Variants in PTPRT observed in about 807,000 individuals in gnomAD.
PTPRT encodes the protein protein tyrosine phosphatase receptor type T.
A neutral mutation model predicts 176.8 loss-of-function variants in PTPRT; 56 were observed. The observed-to-expected ratio is 0.32, with a 90% CI of 0.26 to 0.40. PTPRT has a LOEUF of 0.40. Among genes scored for constraint, PTPRT ranks in the 10% least tolerant of loss-of-function variants. The pLI, the probability that PTPRT is intolerant of heterozygous loss-of-function variation, is 1.00. For missense variants in PTPRT, 1,540 were observed against 1,908.2 expected (o/e 0.81, Z 3.60); for synonymous variants, 783 against 739.0 (o/e 1.06, Z -0.96).
intron 1 of PTPRT, among the ~76,000 whole-genome samples, chr20:43,116,766 G>GT (rs1848057270): frequency 6.6e-6 from 1 of 152,000 alleles, no homozygotes; most frequent in Non-Finnish European, 1.5e-5. Flanking sequence ...ATATATTTTT[G>GT]TTCATGTCTA....
At chr20:43,085,173 G>C (rs1031472332) in intron 1 of PTPRT, among the ~76,000 whole-genome samples, 2 of 152,138 alleles carry the variant, frequency 1.3e-5, no homozygotes, top group Non-Finnish European at 2.9e-5. Context: ...CTTCCTCAAA[G>C]CAGCTAGGAG....
intron 6 of PTPRT, among the ~76,000 whole-genome samples, chr20:42,736,501 G>A (rs183654839): frequency 3.5e-4 from 54 of 152,354 alleles, no homozygotes; most frequent in Non-Finnish European, 1.3e-4. Context: ...GACACAGGCC[G>A]AGCAAGCACA....
chr20:42,504,861 T>C (rs950399965), intron 7 of PTPRT, among the ~76,000 whole-genome samples: 11 of 152,216 alleles, frequency 7.2e-5, no homozygotes, highest in Non-Finnish European at 1.2e-4. Flanking sequence ...TGTTTTATTA[T>C]AAATCTAGCC....
chr20:42,099,654 A>C (rs940456550), intron 26 of PTPRT, among the ~76,000 whole-genome samples: 2 of 150,804 alleles, frequency 1.3e-5, no homozygotes, highest in Non-Finnish European at 2.9e-5. Flanking sequence ...TCTCCACTTC[A>C]TCAGTGGCTC....
At chr20:43,070,012 G>A (rs991193627) in intron 1 of PTPRT, among the ~76,000 whole-genome samples, 8 of 152,124 alleles carry the variant, frequency 5.3e-5, no homozygotes, top group South Asian at 2.1e-4. Flanking sequence ...TTTAGAAAAC[G>A]CTTTTGCCCA....
At chr20:42,488,434 G>T (rs1057189879) in intron 7 of PTPRT, among the ~76,000 whole-genome samples, 1 of 152,110 alleles carries the variant, frequency 6.6e-6, no homozygotes, top group Non-Finnish European at 1.5e-5. Context: ...TTACCAATCT[G>T]ATGGGCACTA....
chr20:42,811,400 C>T (rs1393820863), intron 2 of PTPRT, among the ~76,000 whole-genome samples: 1 of 151,696 alleles, frequency 6.6e-6, no homozygotes, highest in Non-Finnish European at 1.5e-5. Flanking sequence ...TTTTTTAACA[C>T]TGTATTTGTC....
intron 7 of PTPRT, among the ~76,000 whole-genome samples, chr20:42,489,857 T>C (rs1443891992): frequency 6.6e-6 from 1 of 152,248 alleles, no homozygotes; most frequent in Non-Finnish European, 1.5e-5. Flanking sequence ...TGCAATATTC[T>C]TTTCTAACTT....
chr20:42,374,403 G>T (rs1290389195), intron 9 of PTPRT, among the ~76,000 whole-genome samples: 2 of 152,126 alleles, frequency 1.3e-5, no homozygotes, highest in Admixed American at 1.3e-4. Flanking sequence ...TTTTAAACAC[G>T]CAAGTAAATG....
intron 7 of PTPRT, among the ~76,000 whole-genome samples, chr20:42,628,816 G>A (rs9974028): frequency 5.9e-5 from 9 of 152,018 alleles, no homozygotes; most frequent in Non-Finnish European, 1.0e-4. Flanking sequence ...ATTTGTTTAC[G>A]TATGACACAA....
At chr20:43,139,629 GCCAGACACTGGGCTATTGATTTA>G (rs2013940054) in intron 1 of PTPRT, among the ~76,000 whole-genome samples, 1 of 152,226 alleles carries the variant, frequency 6.6e-6, no homozygotes, top group African/African-American at 2.4e-5. Context: ...CTGGAGCCAA[GCCAGACACTGGGCTATTGATTTA>G]CCTATGAGGG....
chr20:42,725,784 A>C (rs1015210136), intron 6 of PTPRT, among the ~76,000 whole-genome samples: 2 of 151,988 alleles, frequency 1.3e-5, no homozygotes, highest in Admixed American at 1.3e-4. Context: ...TTAGAACCAG[A>C]AATACCATTT....
the PTPRT span, among the ~76,000 whole-genome samples, chr20:42,066,936 G>C: frequency 6.6e-6 from 1 of 152,172 alleles, no homozygotes; most frequent in Non-Finnish European, 1.5e-5. Context: ...TTCTGCATCT[G>C]TGGAGATTCA....
At position 42,423,019 on chromosome 20, in the gene PTPRT, A is replaced by T. The variant is rs6016788; in HGVS notation, c.1560+25201T>A. ...TGAAAACACAGGGACACATAGAGGG[A>T]CACAACACACACTGGGGCCTTTCAG... On this transcript the variant is annotated intron_variant, in intron 9 of 30. Coordinates refer to ENST00000373187, the MANE Select transcript of PTPRT (RefSeq NM_007050.6). Among the ~76,000 whole-genome samples the T allele has an allele frequency of 1.1e-3, 161 of 152,076 alleles. 1 individual carries two copies. The highest frequency in any genetic ancestry group is 3.8e-3 in the African/African-American group (157 of 41,476).
chr20:42,784,647 C>G (rs208256), intron 3 of PTPRT, among the ~76,000 whole-genome samples: 87,318 of 151,832 alleles, frequency 0.58, 27,984 homozygotes, highest in Non-Finnish European at 0.72. Flanking sequence ...CACATAGCAC[C>G]GTTTTCCAGG....
intron 7 of PTPRT, among the ~76,000 whole-genome samples, chr20:42,598,072 A>G (rs879383622): frequency 2.6e-5 from 4 of 152,158 alleles, no homozygotes; most frequent in Non-Finnish European, 4.4e-5. Context: ...AGCAACCCCA[A>G]TATCCATAAA....
intron 7 of PTPRT, among the ~76,000 whole-genome samples, chr20:42,624,764 C>T (rs1348626161): frequency 6.6e-6 from 1 of 152,230 alleles, no homozygotes; most frequent in Non-Finnish European, 1.5e-5. Flanking sequence ...ACATGCATAA[C>T]ACATTTTGTA....
At chr20:42,700,550 C>G (rs1039841907) in intron 6 of PTPRT, among the ~76,000 whole-genome samples, 3 of 152,182 alleles carry the variant, frequency 2.0e-5, no homozygotes, top group African/African-American at 7.2e-5. Flanking sequence ...ATTAAACAAG[C>G]CGACCTTATT....
chr20:42,091,361 A>C (rs544407851), intron 27 of PTPRT, among the ~76,000 whole-genome samples: 1 of 152,190 alleles, frequency 6.6e-6, no homozygotes, highest in Non-Finnish European at 1.5e-5. Flanking sequence ...GCTTGTTATC[A>C]CTGGAATAAA....
Sources: gnomAD v4.1 joint callset for allele counts (sites outside exome capture counted in the v4.1 genomes callset) on GRCh38, gnomAD v4.1.1 for gene constraint, MANE v1.5 for transcripts, NCBI Gene and HGNC (gene_info 2026-07-23, HGNC 2026-07-21) for gene names.